DCDC1: variants seen among roughly 807,000 people sequenced by gnomAD.
The protein encoded by DCDC1 is doublecortin domain-containing protein 1.
Under a neutral mutation model 178.3 loss-of-function variants are expected in DCDC1, and 200 were observed. The ratio of observed to expected loss-of-function variants is 1.12; its 90% confidence interval spans 1.00 to 1.26. DCDC1 has a LOEUF of 1.26. DCDC1 is among the 50% of genes most tolerant of loss of function. DCDC1 has a pLI of 0.00. For missense variants in DCDC1, 1,983 were observed against 1,749.2 expected, an observed-to-expected ratio of 1.13 and a Z score of -2.38; for synonymous variants, 690 against 604.8, an observed-to-expected ratio of 1.14 and a Z score of -2.07.
intron 8 of DCDC1, among the ~76,000 whole-genome samples, chr11:31,245,617 A>AT (rs1359601065): frequency 2.6e-5 from 4 of 151,814 alleles, no homozygotes; most frequent in Non-Finnish European, 4.4e-5. Context: ...GGAAGGAAGC[A>AT]TTAACTAGAC....
chr11:31,338,684 G>T (rs1320857972), intron 1 of DCDC1, among the ~76,000 whole-genome samples: 7 of 152,144 alleles, frequency 4.6e-5, no homozygotes, highest in South Asian at 2.1e-4. Flanking sequence ...ACCAAAGAAG[G>T]GGGTATGGGG....
At chr11:31,011,112 CA>C (rs1240438589) in intron 20 of DCDC1, among the ~76,000 whole-genome samples, 1 of 151,920 alleles carries the variant, frequency 6.6e-6, no homozygotes, top group East Asian at 1.9e-4. Flanking sequence ...ACAATTAATT[CA>C]ACATGCAAAA....
chr11:31,137,029 A>C (rs1335384605), intron 10 of DCDC1, among the ~76,000 whole-genome samples: 1 of 152,218 alleles, frequency 6.6e-6, no homozygotes, highest in Non-Finnish European at 1.5e-5. Context: ...ATGTAACAGC[A>C]AGATATAGTA....
chr11:31,007,042 T>C (rs888600942), intron 20 of DCDC1, among the ~76,000 whole-genome samples: 4 of 152,328 alleles, frequency 2.6e-5, no homozygotes, highest in African/African-American at 9.6e-5. Context: ...TGGTCAAATG[T>C]AGGCCTCAGA....
intron 9 of DCDC1, among the ~76,000 whole-genome samples, chr11:31,209,760 G>A (rs1972278888): frequency 6.6e-6 from 1 of 152,186 alleles, no homozygotes; most frequent in South Asian, 2.1e-4. Flanking sequence ...TTTACCAACA[G>A]AGAGGAATGC....
chr11:31,362,123 T>C (rs1951737859), intron 1 of DCDC1, among the ~76,000 whole-genome samples: 1 of 152,152 alleles, frequency 6.6e-6, no homozygotes, highest in South Asian at 2.1e-4. Flanking sequence ...ATATTATGTA[T>C]ATATATGTAA....
chr11:31,156,084 A>C (rs1007454548), intron 9 of DCDC1: 9 of 152,210 alleles, frequency 5.9e-5, no homozygotes, highest in Non-Finnish European at 8.8e-5. Flanking sequence ...ACAGATAGTA[A>C]ATACTTTTTA....
At chr11:31,369,287 G>C (rs1339893234) in intron 1 of DCDC1, among the ~76,000 whole-genome samples, 1 of 152,098 alleles carries the variant, frequency 6.6e-6, no homozygotes, top group Non-Finnish European at 1.5e-5. Context: ...GGTTGCTAAG[G>C]TCTAAAAGAA....
intron 8 of DCDC1, chr11:31,263,028 T>A (rs1341365114): frequency 2.5e-6 from 4 of 1,611,154 alleles, no homozygotes; most frequent in South Asian, 1.1e-5. Context: ...TGAATCCGAA[T>A]GCCTCTGGCA....
intron 20 of DCDC1, among the ~76,000 whole-genome samples, chr11:30,955,800 T>G (rs76250814): frequency 0.017 from 2,581 of 152,292 alleles, 32 homozygotes; most frequent in Non-Finnish European, 0.027. Flanking sequence ...GTGCTTGCCC[T>G]CAACCCATTG....
intron 6 of DCDC1, among the ~76,000 whole-genome samples, chr11:31,300,827 C>T (rs780942049): frequency 2.6e-5 from 4 of 152,112 alleles, no homozygotes; most frequent in Non-Finnish European, 5.9e-5. Context: ...TATAGGTTTG[C>T]AAGCATCTGT....
intron 1 of DCDC1, among the ~76,000 whole-genome samples, chr11:31,357,675 A>G (rs1392927927): frequency 2.6e-5 from 4 of 152,144 alleles, no homozygotes; most frequent in Admixed American, 6.5e-5. Context: ...ACATGATTGT[A>G]TATCTAGAAA....
intron 20 of DCDC1, among the ~76,000 whole-genome samples, chr11:31,037,528 G>GTTC (rs1181397578): frequency 1.3e-5 from 2 of 151,312 alleles, no homozygotes; most frequent in Non-Finnish European, 2.9e-5. Flanking sequence ...CGCCTCCCGG[G>GTTC]ATACGCCATT....
chr11:31,313,078 C>T (rs1281373411), intron 3 of DCDC1, among the ~76,000 whole-genome samples: 1 of 152,066 alleles, frequency 6.6e-6, no homozygotes, highest in Non-Finnish European at 1.5e-5. Context: ...TTAAAACCTA[C>T]TGGTTCTGTT....
intron 21 of DCDC1, among the ~76,000 whole-genome samples, chr11:30,947,581 C>A (rs1159790197): frequency 6.6e-6 from 1 of 152,050 alleles, no homozygotes; most frequent in African/African-American, 2.4e-5. Flanking sequence ...ATTAAATTAT[C>A]AAATCTAAGA....
At chr11:31,025,720 T>A (rs1300750494) in intron 20 of DCDC1, among the ~76,000 whole-genome samples, 3 of 151,862 alleles carry the variant, frequency 2.0e-5, no homozygotes, top group Admixed American at 6.6e-5. Context: ...GTTTGTTTTT[T>A]CAATTTTAAG....
chr11:30,914,126 T>C (rs968485732), intron 27 of DCDC1, among the ~76,000 whole-genome samples: 1 of 152,254 alleles, frequency 6.6e-6, no homozygotes, highest in Non-Finnish European at 1.5e-5. Context: ...TGGTTCCATA[T>C]GGCAAACCAT....
chr11:31,301,625 C>T (rs1471953928), intron 6 of DCDC1, among the ~76,000 whole-genome samples: 1 of 152,100 alleles, frequency 6.6e-6, no homozygotes, highest in African/African-American at 2.4e-5. Flanking sequence ...TATGACAGAA[C>T]ATTTCATTAT....
At chr11:31,218,728 C>T (rs948964728) in intron 9 of DCDC1, among the ~76,000 whole-genome samples, 3 of 152,204 alleles carry the variant, frequency 2.0e-5, no homozygotes, top group Non-Finnish European at 4.4e-5. Flanking sequence ...CTCTAAGTAA[C>T]GTTAATATTT....
Sources: allele counts gnomAD v4.1 joint callset (sites outside exome capture counted in the v4.1 genomes callset), GRCh38; gene constraint gnomAD v4.1.1; transcripts MANE v1.5; gene names NCBI Gene and HGNC (gene_info 2026-07-23, HGNC 2026-07-21).